Variants in DERL3 observed in about 807,000 individuals in gnomAD.
The protein encoded by DERL3 is derlin-3.
In DERL3, 20 loss-of-function variants were observed where a neutral mutation model predicts 23.8. The ratio of observed to expected loss-of-function variants is 0.84; its 90% confidence interval spans 0.59 to 1.22. The LOEUF is 1.22. Among genes scored for constraint, DERL3 ranks in the 50% most tolerant of loss-of-function variants. The pLI is 0.00. For missense variants in DERL3, 319 were observed against 304.1 expected (o/e 1.05, Z -0.36); for synonymous variants, 145 against 132.5 (o/e 1.09, Z -0.65).
Position 23,835,875 on chromosome 22 carries a change from C to T in DERL3, c.*994G>A, listed in dbSNP as rs988021877. On this transcript the variant is annotated 3_prime_UTR_variant, in exon 7 of 7. Coordinates refer to ENST00000318109, the MANE Select transcript of DERL3 (RefSeq NM_001002862.3). ...GGAAGGCTGGGCCCTCACTCCTGAC[C>T]GCCAGCTCACACCGCCGCAAAGCCA... The T allele has an allele frequency of 2.3e-5, 23 of 985,372 alleles. No individual in the cohort carries two copies. Among genetic ancestry groups the T allele is most frequent in the African/African-American group, 5.2e-5 (3 of 57,246 alleles). 61.0% of individuals were successfully genotyped at this position (985,372 alleles called of 1,614,324 possible). A position where few individuals can be genotyped will look rare whatever the true frequency, so the allele number is the denominator to read the frequency against.
chr22:23,837,018 A>G, intron 6 of DERL3, 46 bp downstream of exon 6: 1 of 1,611,706 alleles, frequency 6.2e-7, no homozygotes. Context: ...ATCGGTGGGG[A>G]TCCTTCTGAG....
chr22:23,836,954 A>G lies in DERL3; in HGVS notation c.623T>C (p.Leu208Pro). 1 of 1,594,226 alleles carries G rather than the reference A, an allele frequency of 6.3e-7. No homozygotes were observed. The highest frequency in any genetic ancestry group is 8.5e-7 in the Non-Finnish European group (1 of 1,171,170). Residue 208 changes from leucine (L) to proline (P), a missense_variant, in exon 7 of 7, where the codon CTC becomes CCC. Coordinates refer to ENST00000318109, the MANE Select transcript of DERL3 (RefSeq NM_001002862.3). Reference protein sequence around the residue: ...LLQTPGFLKLLLDAPAEDPNY... With the variant: ...LLQTPGFLKLPLDAPAEDPNY... ...GGGGTCTTCTGCAGGGGCATCCAGG[A>G]GCAGCTTTCTGTGGGGAGGGGCCCG...
Position 23,838,899 on chromosome 22 carries a change from G to T in DERL3, c.89C>A (p.Ala30Glu), listed in dbSNP as rs1187333800. 1.3e-6 allele frequency: 2 copies of T among 1,564,244 alleles called. No individual in the cohort carries two copies. The highest frequency in any genetic ancestry group is 2.4e-5 in the East Asian group (1 of 42,480). Residue 30 changes from alanine (A) to glutamate (E), a missense_variant, in exon 1 of 7, where the codon GCG (alanine) becomes GAG (glutamate). By Grantham distance (107) the Ala-to-Glu change is moderately radical (BLOSUM62 -1). Coordinates refer to ENST00000318109, the MANE Select transcript of DERL3 (RefSeq NM_001002862.3). ...YTAACVLTTA[A>E]VQLELLSPFQ... ...CCGGTCCGCCCGGCCGCTTACCACC[G>T]CGGCGGTGGTGAGGACACAGGCTGC...
Position 23,837,791 on chromosome 22 carries a change from C to T in DERL3, c.391G>A (p.Val131Met), listed in dbSNP as rs774217694. Residue 131 changes from valine to methionine, a missense_variant, in exon 5 of 7, where the codon GTG becomes ATG. Physicochemically the swap from Val to Met is conservative, Grantham distance 21 (BLOSUM62 1). Transcript: ENST00000318109. Reference protein sequence around the residue: ...GQALMAMLVYVWSRRSPRVRV... With the variant: ...GQALMAMLVYMWSRRSPRVRV... ...ACCCGAGGGCTGCGGCGGCTCCACA[C>T]GTACACCAGCATGGCCATGAGGGCC... 1.2e-5 allele frequency: 19 copies of T among 1,613,734 alleles called. No homozygotes were observed. Among genetic ancestry groups the T allele is most frequent in the Non-Finnish European group, 1.5e-5 (18 of 1,180,016 alleles).
chr22:23,837,061 C>T lies in DERL3; in HGVS notation c.614+3G>A. ...AGAGGGAGGGAGGGCTCTCAACACTCACAGGAAGCCAGGGGTCTGCAGGAG... is the reference window on the plus strand; with the variant it reads ...AGAGGGAGGGAGGGCTCTCAACACTTACAGGAAGCCAGGGGTCTGCAGGAG... On this transcript the variant is annotated splice_donor_region_variant and intron_variant, in intron 6 of 6. Coordinates refer to ENST00000318109, the MANE Select transcript of DERL3 (RefSeq NM_001002862.3). 1 of 1,613,714 alleles carries T rather than the reference C, an allele frequency of 6.2e-7. No homozygotes were observed.
In DERL3 at chr22:23,837,783, G is replaced by C. The variant is rs1208882654; in HGVS notation, c.399C>G (p.Ser133Arg). Reference protein sequence around the residue: ...ALMAMLVYVWSRRSPRVRVNF... With the variant: ...ALMAMLVYVWRRRSPRVRVNF... Reference sequence around the variant, plus strand: ...TGACCCTCACCCGAGGGCTGCGGCGGCTCCACACGTACACCAGCATGGCCA... The same window carrying C: ...TGACCCTCACCCGAGGGCTGCGGCGCCTCCACACGTACACCAGCATGGCCA... The change falls in exon 5 of 7, where the codon AGC (serine) becomes AGG (arginine). Residue 133 changes from serine to arginine, a missense_variant. Transcript: ENST00000318109. The C allele has an allele frequency of 6.2e-7, 1 of 1,613,882 alleles. No homozygotes were observed. The highest frequency in any genetic ancestry group is 1.3e-5 in the African/African-American group (1 of 75,040).
rs367605737 is a variant in DERL3, at chr22:23,837,869, A to G, written c.328-15T>C. 6 of 1,606,942 alleles carry G rather than the reference A, an allele frequency of 3.7e-6. 1 individual carries two copies. The South Asian group carries it at 4.4e-5, about 12-fold the overall frequency. ...AGTCCCAGCAGCTGGGCCAGAGTCA[A>G]GGTGCTCCGGTGCAGGCCTCAGCCC... On this transcript the variant is annotated splice_polypyrimidine_tract_variant and intron_variant, in intron 4 of 6. Coordinates refer to ENST00000318109, the MANE Select transcript of DERL3 (RefSeq NM_001002862.3).
chr22:23,838,482 C>T, intron 3 of DERL3, 37 bp from the exon 4 acceptor site: 1 of 1,577,650 alleles, frequency 6.3e-7, no homozygotes, highest in Non-Finnish European at 8.6e-7. Flanking sequence ...CCAGGCGGGG[C>T]CTCAGTTTCC....
At position 23,838,431 on chromosome 22, in the gene DERL3, C is replaced by G. The variant is rs755467434; in HGVS notation, c.248G>C (p.Arg83Pro). ...GCGGAAGGAGCCCTCTTCCAGCATGCGGCAGTAGCGGAACCTACGGCGTCG... is the reference window on the plus strand; with the variant it reads ...GCGGAAGGAGCCCTCTTCCAGCATGGGGCAGTAGCGGAACCTACGGCGTCG... ...FNMLFVFRYC[R>P]MLEEGSFRGR... Residue 83 changes from arginine (R) to proline (P), a missense_variant, in exon 4 of 7, where the codon CGC becomes CCC. Arg to Pro is a moderately radical substitution (Grantham distance 103). Coordinates refer to ENST00000318109, the MANE Select transcript of DERL3 (RefSeq NM_001002862.3). The G allele has an allele frequency of 1.5e-5, 24 of 1,604,442 alleles. No individual in the cohort carries two copies. Among genetic ancestry groups the G allele is most frequent in the Admixed American group, 3.4e-5 (2 of 58,940 alleles).
Position 23,835,091 on chromosome 22 carries a change from C to G in DERL3, c.*1778G>C, listed in dbSNP as rs1264327552. On this transcript the variant is annotated 3_prime_UTR_variant, in exon 7 of 7. Transcript: ENST00000318109. ...CTGGGCCAGCTCCTGCCTTACAAGCCAGCTGTGAGGAATATGGGAATAGCC... is the reference window on the plus strand; with the variant it reads ...CTGGGCCAGCTCCTGCCTTACAAGCGAGCTGTGAGGAATATGGGAATAGCC... The G allele has an allele frequency of 2.7e-5, 38 of 1,398,456 alleles. No homozygotes were observed. Among genetic ancestry groups the G allele is most frequent in the Non-Finnish European group, 3.4e-5 (37 of 1,079,564 alleles). 86.6% of individuals were successfully genotyped at this position (1,398,456 alleles called of 1,614,324 possible). A position where few individuals can be genotyped will look rare whatever the true frequency, so the allele number is the denominator to read the frequency against.
At chr22:23,837,606 G>T in intron 5 of DERL3, 53 bp downstream of exon 5, 2 of 1,572,236 alleles carry the variant, frequency 1.3e-6, no homozygotes, top group South Asian at 1.2e-5. Flanking sequence ...TAAGCAGCGT[G>T]TCCTGAGGGG....
At position 23,836,355 on chromosome 22, in the gene DERL3, C is replaced by T; in HGVS notation, c.*514G>A. On this transcript the variant is annotated 3_prime_UTR_variant, in exon 7 of 7. Transcript: ENST00000318109. ...GGCTAGATTGGCATCAGCCTGAAGG[C>T]ACCACTGGCAGGAACATCTGTAGGC... 1 of 985,608 alleles carries T rather than the reference C, an allele frequency of 1.0e-6. No homozygotes were observed. The highest frequency in any genetic ancestry group is 1.2e-6 in the Non-Finnish European group (1 of 830,052). 61.1% of individuals were successfully genotyped at this position (985,608 alleles called of 1,614,324 possible).
chr22:23,837,917 C>G, intron 4 of DERL3, 63 bp from the exon 5 acceptor site: 6 of 1,497,188 alleles, frequency 4.0e-6, no homozygotes, highest in Non-Finnish European at 5.4e-6. Flanking sequence ...CCTCTGACTT[C>G]CCAAGACCCT....
chr22:23,834,942 G>GC lies in DERL3; in HGVS notation c.*1926dup. On this transcript the variant is annotated 3_prime_UTR_variant, in exon 7 of 7. Transcript: ENST00000318109. ...GCTGCTCTGAAGTCCCCTGCGGAGG[G>GC]CCCAGTCCTGTGTGGGCACTGCTGG... The GC allele has an allele frequency of 6.3e-7, 1 of 1,598,722 alleles. No homozygotes were observed.
Position 23,836,530 on chromosome 22 carries a change from CACCTGTGAGCTCAAAAGCTCTGCCTGGCA to C in DERL3, c.*310_*338del, listed in dbSNP as rs879842005. The C allele has an allele frequency of 8.6e-6, 9 of 1,044,568 alleles. No individual in the cohort carries two copies. In the African/African-American group the frequency reaches 1.0e-4, roughly 12 times the overall value. 64.7% of individuals were successfully genotyped at this position (1,044,568 alleles called of 1,614,324 possible). ...GCCAGGATGAGAACCCTGAGCCTGTCACCTGTGAGCTCAAAAGCTCTGCCTGGCAACCTGTGAGCTCAAAGCTCTGCCAG... is the reference window on the plus strand; with the variant it reads ...GCCAGGATGAGAACCCTGAGCCTGTCACCTGTGAGCTCAAAGCTCTGCCAG... On this transcript the variant is annotated 3_prime_UTR_variant, in exon 7 of 7. Coordinates refer to ENST00000318109, the MANE Select transcript of DERL3 (RefSeq NM_001002862.3).
At position 23,835,991 on chromosome 22, in the gene DERL3, C is replaced by T; in HGVS notation, c.*878G>A. ...AATGACAACCTGTCTTTGGAGGAGG[C>T]CCCGTGCCACTGAGCATCCAGAAAT... On this transcript the variant is annotated 3_prime_UTR_variant, in exon 7 of 7. Transcript: ENST00000318109. 2 of 985,488 alleles carry T rather than the reference C, an allele frequency of 2.0e-6. No individual in the cohort carries two copies. The highest frequency in any genetic ancestry group is 9.4e-5 in the South Asian group (2 of 21,292). The allele number at this position is 985,488 out of a possible 1,614,324, so 61.0% of individuals were successfully genotyped here.
chr22:23,836,939 G>C lies in DERL3; in HGVS notation c.638C>G (p.Ala213Gly), dbSNP rs765574712. The C allele has an allele frequency of 3.2e-6, 5 of 1,580,716 alleles. No homozygotes were observed. The African/African-American group carries it at 5.4e-5, about 17-fold the overall frequency. ...GFLKLLLDAP[A>G]EDPNYLPLPE... Reference sequence around the variant, plus strand: ...GAGGGGCAGGTAATTGGGGTCTTCTGCAGGGGCATCCAGGAGCAGCTTTCT... The same window carrying C: ...GAGGGGCAGGTAATTGGGGTCTTCTCCAGGGGCATCCAGGAGCAGCTTTCT... Residue 213 changes from alanine to glycine, a missense_variant, in exon 7 of 7, where the codon GCA becomes GGA. Physicochemically the swap from Ala to Gly is moderately conservative, Grantham distance 60. Transcript: ENST00000318109.
chr22:23,838,045 G>T, intron 4 of DERL3, 191 bp from the exon 5 acceptor site: 1 of 1,402,864 alleles, frequency 7.1e-7, no homozygotes. Context: ...CACACCTACA[G>T]CCTCATCCCA....
In DERL3 at chr22:23,834,741, G is replaced by C; in HGVS notation, c.*2128C>G. ...AGCCTGTTCTCCTTCCAGACCCAGAGAGCTGAGAAGAGTAGCTGTGAGGCT... is the reference window on the plus strand; with the variant it reads ...AGCCTGTTCTCCTTCCAGACCCAGACAGCTGAGAAGAGTAGCTGTGAGGCT... On this transcript the variant is annotated 3_prime_UTR_variant, in exon 7 of 7. Coordinates refer to ENST00000318109, the MANE Select transcript of DERL3 (RefSeq NM_001002862.3). 6.7e-7 allele frequency: 1 copy of C among 1,488,410 alleles called. No individual in the cohort carries two copies. The highest frequency in any genetic ancestry group is 9.0e-7 in the Non-Finnish European group (1 of 1,117,066). 92.2% of individuals were successfully genotyped at this position (1,488,410 alleles called of 1,614,324 possible).
Sources: gnomAD v4.1 joint callset for allele counts on GRCh38, gnomAD v4.1.1 for gene constraint, MANE v1.5 for transcripts, NCBI Gene and HGNC (gene_info 2026-07-23, HGNC 2026-07-21) for gene names.